AGPS: variants seen among roughly 807,000 people sequenced by gnomAD.
AGPS encodes the protein alkylglycerone phosphate synthase.
AGPS carries 26 observed loss-of-function variants against 90.7 expected under a neutral mutation model. That is an observed-to-expected ratio of 0.29 (90% CI 0.21 to 0.40). The LOEUF is 0.40. AGPS is among the 10% of genes least tolerant of loss of function. AGPS has a pLI of 1.00. For missense variants in AGPS, 540 were observed against 816.1 expected (o/e 0.66, Z 4.12); for synonymous variants, 294 against 285.3 (o/e 1.03, Z -0.31).
rs1262654699 is a variant in AGPS at position 177,504,351 on chromosome 2, C to G, written c.1476-1155C>G. On this transcript the variant is annotated intron_variant, in intron 14 of 19. Transcript: ENST00000264167. The stretch of plus-strand genomic sequence containing the variant: ...TTTCTACCTCCAACCTCACATCCAA[C>G]TCAGAATTGTGTTTTATCTCTTCTT... Among the ~76,000 whole-genome samples the G allele has an allele frequency of 3.3e-5, 5 of 152,016 alleles. No homozygotes were observed. In the East Asian group the frequency reaches 9.6e-4, roughly 29 times the overall value.
chr2:177,486,711 C>T (rs1010988176), intron 11 of AGPS, among the ~76,000 whole-genome samples: 1 of 42,914 alleles, frequency 2.3e-5, no homozygotes, highest in East Asian at 6.0e-4. Context: ...TGACTGTTCA[C>T]AAATAGCAAA....
At chr2:177,481,858 C>G (rs1687955524) in intron 10 of AGPS, among the ~76,000 whole-genome samples, 2 of 151,618 alleles carry the variant, frequency 1.3e-5, no homozygotes, top group South Asian at 4.2e-4. Context: ...AAAGCGTATT[C>G]CTAAAGCTTT....
At chr2:177,535,730 TAAAC>T (rs2079178112) in intron 19 of AGPS, among the ~76,000 whole-genome samples, 1 of 152,192 alleles carries the variant, frequency 6.6e-6, no homozygotes. Context: ...CTTAAATTGT[TAAAC>T]AAAGCCAAAG....
At chr2:177,414,762 A>G (rs368379546) in intron 1 of AGPS, among the ~76,000 whole-genome samples, 1 of 152,138 alleles carries the variant, frequency 6.6e-6, no homozygotes, top group Admixed American at 6.5e-5. Context: ...AAGGCTGAGC[A>G]GCGTATTTGC....
chr2:177,514,417 G>C (rs555278098), intron 17 of AGPS, among the ~76,000 whole-genome samples: 10 of 152,276 alleles, frequency 6.6e-5, no homozygotes, highest in African/African-American at 2.4e-4. Context: ...AGGTTCTGCT[G>C]TAGTATTGTT....
chr2:177,430,550 TCC>T (rs1686212029), intron 2 of AGPS, among the ~76,000 whole-genome samples: 2 of 152,078 alleles, frequency 1.3e-5, no homozygotes, highest in Non-Finnish European at 2.9e-5. Context: ...AAGTGTGGTT[TCC>T]CTGGTGGGGT....
In AGPS at chr2:177,405,670, G is replaced by GT. The variant is rs1170607740; in HGVS notation, c.260+12623dup. On this transcript the variant is annotated intron_variant, in intron 1 of 19. Coordinates refer to ENST00000264167, the MANE Select transcript of AGPS (RefSeq NM_003659.4). ...AGCTTCCATGTTATTGCACTATTCT[G>GT]TTGTTTTTTTTTTTTTTTCCCACCT... 1.8e-3 allele frequency among the ~76,000 whole-genome samples: 111 copies of GT among 60,890 alleles called. 1 individual carries two copies. Among genetic ancestry groups the GT allele is most frequent in the African/African-American group, 4.7e-3 (81 of 17,378 alleles). 39.9% of individuals were successfully genotyped at this position (60,890 alleles called of 152,430 possible). A position where few individuals can be genotyped will look rare whatever the true frequency, so the allele number is the denominator to read the frequency against.
intron 5 of AGPS, among the ~76,000 whole-genome samples, chr2:177,437,661 G>T (rs941239918): frequency 2.0e-5 from 3 of 152,208 alleles, no homozygotes; most frequent in Middle Eastern, 3.4e-3. Flanking sequence ...AGCAAGATGG[G>T]TATATTGTTC....
At chr2:177,497,590 A>G in intron 12 of AGPS, 99 bp from the exon 13 acceptor site, 2 of 544,116 alleles carry the variant, frequency 3.7e-6, no homozygotes, top group Non-Finnish European at 6.2e-6. Flanking sequence ...AAAGTTGTGA[A>G]AACTTTTACT....
chr2:177,473,346 A>G (rs1687683504), intron 10 of AGPS, among the ~76,000 whole-genome samples: 1 of 152,236 alleles, frequency 6.6e-6, no homozygotes, highest in Non-Finnish European at 1.5e-5. Flanking sequence ...AAATTATGAG[A>G]GTCACTTCAA....
At chr2:177,437,162 T>C in intron 5 of AGPS, 108 bp downstream of exon 5, 1 of 1,064,090 alleles carries the variant, frequency 9.4e-7, no homozygotes, top group Non-Finnish European at 1.4e-6. Flanking sequence ...AAATATAAAT[T>C]GCTGTATTTT....
At chr2:177,440,431 A>G (rs1686566581) in intron 5 of AGPS, among the ~76,000 whole-genome samples, 1 of 152,138 alleles carries the variant, frequency 6.6e-6, no homozygotes, top group South Asian at 2.1e-4. Context: ...ATCATGAGGA[A>G]ACATCTACAA....
intron 10 of AGPS, among the ~76,000 whole-genome samples, chr2:177,480,976 C>G (rs1335298276): frequency 4.6e-5 from 7 of 151,956 alleles, no homozygotes; most frequent in Non-Finnish European, 1.0e-4. Context: ...TTTATAACCT[C>G]AGTAGGAAAT....
chr2:177,438,074 A>C (rs1686469855), intron 5 of AGPS, among the ~76,000 whole-genome samples: 1 of 152,212 alleles, frequency 6.6e-6, no homozygotes, highest in African/African-American at 2.4e-5. Context: ...CTTGCTTTTT[A>C]GTAGCTTTAG....
intron 2 of AGPS, among the ~76,000 whole-genome samples, chr2:177,427,403 T>C (rs114538093): frequency 0.035 from 5,318 of 152,262 alleles, 203 homozygotes; most frequent in African/African-American, 0.097. Context: ...CTTTGGAGTT[T>C]GTTCTTGGTT....
rs1260577058 is a variant in AGPS, at chr2:177,542,547, C to G, written c.*4352C>G. The G allele has an allele frequency of 6.6e-6, 1 of 151,910 alleles. No homozygotes were observed. The highest frequency in any genetic ancestry group is 1.5e-5 in the Non-Finnish European group (1 of 67,960). 9.4% of individuals were successfully genotyped at this position (151,910 alleles called of 1,614,324 possible). A position where few individuals can be genotyped will look rare whatever the true frequency, so the allele number is the denominator to read the frequency against. On this transcript the variant is annotated 3_prime_UTR_variant, in exon 20 of 20. Transcript: ENST00000264167. The stretch of plus-strand genomic sequence containing the variant: ...CCAAAGGAGATTATTTATTTTTCCA[C>G]AAGGAAAAACATCTTGCAGAGACTC...
rs2079202468 is a variant in AGPS, at chr2:177,538,371, A to G, written c.*176A>G. The stretch of plus-strand genomic sequence containing the variant: ...TGTTTCTACATCTATGGATTGACAG[A>G]TAGTATTCCTAAATCTCTCTCATTG... On this transcript the variant is annotated 3_prime_UTR_variant, in exon 20 of 20. Transcript: ENST00000264167. 2 of 679,498 alleles carry G rather than the reference A, an allele frequency of 2.9e-6. No individual in the cohort carries two copies. The highest frequency in any genetic ancestry group is 2.8e-5 in the East Asian group (1 of 36,022). The allele number at this position is 679,498 out of a possible 1,614,324, so 42.1% of individuals were successfully genotyped here.
chr2:177,431,284 A>G (rs1250237048), intron 2 of AGPS, among the ~76,000 whole-genome samples: 4 of 152,226 alleles, frequency 2.6e-5, no homozygotes, highest in Non-Finnish European at 5.9e-5. Flanking sequence ...CACAAAGATC[A>G]CATGCTTCAA....
intron 8 of AGPS, among the ~76,000 whole-genome samples, chr2:177,450,836 G>A (rs1686917078): frequency 6.6e-6 from 1 of 151,734 alleles, no homozygotes; most frequent in African/African-American, 2.4e-5. Flanking sequence ...ATATCAGTTT[G>A]AGGAGACTGA....
Sources: allele counts gnomAD v4.1 joint callset (sites outside exome capture counted in the v4.1 genomes callset), GRCh38; gene constraint gnomAD v4.1.1; transcripts MANE v1.5; gene names NCBI Gene and HGNC (gene_info 2026-07-23, HGNC 2026-07-21).